The following CADPS2 variants were observed in gnomAD, a reference collection of about 807,000 sequenced individuals.
CADPS2 encodes the protein calcium-dependent secretion activator 2.
CADPS2 carries 93 observed loss-of-function variants against 172.5 expected under a neutral mutation model. The ratio of observed to expected loss-of-function variants is 0.54; its 90% CI spans 0.46 to 0.64. The LOEUF (loss-of-function observed/expected upper bound fraction) is 0.64. Ranked by LOEUF, CADPS2 falls within the 30% of genes least tolerant of loss-of-function variation. CADPS2 has a pLI of 0.00. For missense variants in CADPS2, 1,420 were observed against 1,565.9 expected (o/e 0.91, Z 1.57); for synonymous variants, 546 against 555.2 (o/e 0.98, Z 0.23).
intron 1 of CADPS2, among the ~76,000 whole-genome samples, chr7:122,871,198 T>C (rs534629563): frequency 4.0e-5 from 6 of 150,892 alleles, no homozygotes; most frequent in African/African-American, 1.5e-4. Context: ...AAAAAAAAAA[T>C]TACACCCTGG....
At chr7:122,323,876 TATATA>T (rs1563065511) in intron 29 of CADPS2, among the ~76,000 whole-genome samples, 914 of 17,700 alleles carry the variant, frequency 0.052, 30 homozygotes, top group Middle Eastern at 0.11. Flanking sequence ...GTATATTTTA[TATATA>T]TATATATATA....
chr7:122,592,861 A>G (rs1349163478), intron 6 of CADPS2, among the ~76,000 whole-genome samples: 2 of 151,824 alleles, frequency 1.3e-5, no homozygotes, highest in African/African-American at 4.8e-5. Context: ...GGGGGGAGGA[A>G]TAGCATTAGG....
At chr7:122,355,143 C>A (rs2039211667) in intron 27 of CADPS2, among the ~76,000 whole-genome samples, 1 of 152,106 alleles carries the variant, frequency 6.6e-6, no homozygotes, top group Non-Finnish European at 1.5e-5. Flanking sequence ...TTTCTGTTAA[C>A]TCATACATCT....
At chr7:122,621,379 T>G in intron 5 of CADPS2, 102 bp downstream of exon 5, 1 of 774,012 alleles carries the variant, frequency 1.3e-6, no homozygotes, top group Non-Finnish European at 2.2e-6. Flanking sequence ...CCAACATATA[T>G]TACACTGTTT....
intron 2 of CADPS2, chr7:122,698,958 T>A: frequency 1.5e-6 from 2 of 1,370,800 alleles, no homozygotes; most frequent in Non-Finnish European, 2.0e-6. Context: ...AACCTAACAG[T>A]TGCACATCTG....
intron 6 of CADPS2, among the ~76,000 whole-genome samples, chr7:122,610,148 T>C (rs1420590908): frequency 1.5e-5 from 2 of 134,308 alleles, no homozygotes; most frequent in African/African-American, 5.3e-5. Context: ...ATAGAAAGAG[T>C]AATAAAAAAA....
intron 1 of CADPS2, among the ~76,000 whole-genome samples, chr7:122,832,647 T>A (rs933629202): frequency 1.1e-4 from 16 of 152,198 alleles, no homozygotes; most frequent in Non-Finnish European, 2.1e-4. Flanking sequence ...CACTGAAAGG[T>A]AACAAAAGTA....
intron 17 of CADPS2, 104 bp downstream of exon 17, chr7:122,438,237 T>C (rs2050899191): frequency 5.0e-6 from 7 of 1,402,840 alleles, no homozygotes; most frequent in Admixed American, 3.7e-5. Flanking sequence ...CCCTTTGCCA[T>C]GGCACAGGAT....
rs1040869233 is a variant in CADPS2, at chr7:122,723,977, A to G, written c.453+12978T>C. On this transcript the variant is annotated intron_variant, in intron 2 of 29. Transcript: ENST00000449022. ...CTCACTCATAGGTGAGAACTGAACA[A>G]TGAGAACACATGGACACAGGAAGAG... Among the ~76,000 whole-genome samples the G allele has an allele frequency of 4.8e-5, 7 of 144,748 alleles. No homozygotes were observed. In the South Asian group the frequency reaches 7.1e-4, roughly 15 times the overall value. 95.0% of individuals were successfully genotyped at this position (144,748 alleles called of 152,430 possible). A position where few individuals can be genotyped will look rare whatever the true frequency, so the allele number is the denominator to read the frequency against.
At chr7:122,573,133 C>T (rs1314540204) in intron 7 of CADPS2, among the ~76,000 whole-genome samples, 4 of 152,134 alleles carry the variant, frequency 2.6e-5, no homozygotes, top group Non-Finnish European at 5.9e-5. Flanking sequence ...TATACCAGTG[C>T]TTCTCAACTC....
At chr7:122,342,491 CTT>C (rs768227209) in intron 28 of CADPS2, among the ~76,000 whole-genome samples, 2 of 152,160 alleles carry the variant, frequency 1.3e-5, no homozygotes, top group East Asian at 3.9e-4. Flanking sequence ...GTTCCACAAA[CTT>C]TTTAACACAG....
chr7:122,558,925 G>T (rs1376648740), intron 7 of CADPS2, among the ~76,000 whole-genome samples: 2 of 152,066 alleles, frequency 1.3e-5, no homozygotes, highest in African/African-American at 4.8e-5. Context: ...AACAGCACTG[G>T]GTGCTGGGGG....
intron 3 of CADPS2, among the ~76,000 whole-genome samples, chr7:122,640,190 T>C (rs1238002581): frequency 6.6e-6 from 1 of 152,176 alleles, no homozygotes; most frequent in Non-Finnish European, 1.5e-5. Flanking sequence ...TAGAGTCATG[T>C]AGAGCGAAAC....
At chr7:122,837,518 T>A (rs955416789) in intron 1 of CADPS2, among the ~76,000 whole-genome samples, 4 of 151,612 alleles carry the variant, frequency 2.6e-5, no homozygotes, top group Admixed American at 2.6e-4. Context: ...TCAACAAAAT[T>A]GATAGACCAC....
chr7:122,355,848 T>C (rs1298353526), intron 27 of CADPS2, among the ~76,000 whole-genome samples: 1 of 152,178 alleles, frequency 6.6e-6, no homozygotes, highest in East Asian at 1.9e-4. Context: ...GGTCATACAG[T>C]TTCAAGGGCA....
chr7:122,738,721 A>G (rs1156838588), intron 1 of CADPS2, among the ~76,000 whole-genome samples: 1 of 152,122 alleles, frequency 6.6e-6, no homozygotes, highest in Non-Finnish European at 1.5e-5. Flanking sequence ...AAATAAAAGG[A>G]AGACAAGCTC....
At chr7:122,863,923 G>A (rs1010046317) in intron 1 of CADPS2, among the ~76,000 whole-genome samples, 11 of 152,074 alleles carry the variant, frequency 7.2e-5, no homozygotes, top group African/African-American at 2.2e-4. Context: ...CTAGCTACTC[G>A]GGAGGCTGAG....
At chr7:122,450,703 T>C (rs900883754) in intron 15 of CADPS2, among the ~76,000 whole-genome samples, 3 of 151,532 alleles carry the variant, frequency 2.0e-5, no homozygotes, top group Non-Finnish European at 4.4e-5. Context: ...GCTGGTTAAG[T>C]TTTGTATTTT....
intron 2 of CADPS2, among the ~76,000 whole-genome samples, chr7:122,733,785 C>T (rs1056431447): frequency 6.6e-6 from 1 of 151,918 alleles, no homozygotes; most frequent in Non-Finnish European, 1.5e-5. Flanking sequence ...AAGTTTGAAT[C>T]CTTTATTTGC....
Sources: gnomAD v4.1 joint callset for allele counts (sites outside exome capture counted in the v4.1 genomes callset) on GRCh38, gnomAD v4.1.1 for gene constraint, MANE v1.5 for transcripts, NCBI Gene and HGNC (gene_info 2026-07-23, HGNC 2026-07-21) for gene names.